The following CAMK1D variants were observed in gnomAD, a reference collection of about 807,000 sequenced individuals.
The protein encoded by CAMK1D is calcium/calmodulin-dependent protein kinase type 1D.
CAMK1D carries 9 observed loss-of-function variants against 47.7 expected under a neutral mutation model. That is an observed-to-expected ratio of 0.19 (90% CI 0.11 to 0.33). The LOEUF (loss-of-function observed/expected upper bound fraction) is 0.33, where lower values mean the gene tolerates loss of function less well. Among genes scored for constraint, CAMK1D ranks in the 10% least tolerant of loss-of-function variants. The pLI, the probability that CAMK1D is intolerant of heterozygous loss-of-function variation, is 1.00. For missense variants in CAMK1D, 291 were observed against 488.7 expected (o/e 0.60, Z 3.81); for synonymous variants, 184 against 184.9 (o/e 0.99, Z 0.04).
At chr10:12,378,670 A>G (rs2131868892) in intron 1 of CAMK1D, among the ~76,000 whole-genome samples, 1 of 151,994 alleles carries the variant, frequency 6.6e-6, no homozygotes, top group East Asian at 1.9e-4. Context: ...CTAATATCAA[A>G]GGCTTTTTAG....
intron 1 of CAMK1D, among the ~76,000 whole-genome samples, chr10:12,543,284 T>G (rs1474374567): frequency 6.6e-6 from 1 of 151,972 alleles, no homozygotes; most frequent in East Asian, 1.9e-4. Context: ...CCTGACCTCA[T>G]GTGATCTAAC....
rs1840177548 is a variant in CAMK1D, at chr10:12,658,344, AC to A, written c.225-8390del. ...GGCTGGGGAGGGCGGGGTGTGCGAG[AC>A]CTGCCGGGGTTCAGTAAAATGTTGG... On this transcript the variant is annotated intron_variant, in intron 2 of 10. Coordinates refer to ENST00000619168, the MANE Select transcript of CAMK1D (RefSeq NM_153498.4). 1.2e-4 allele frequency among the ~76,000 whole-genome samples: 18 copies of A among 151,028 alleles called. No individual in the cohort carries two copies. The South Asian group carries it at 3.8e-3, about 32-fold the overall frequency.
In CAMK1D at chr10:12,834,464, A is replaced by C. The variant is rs1395840982; in HGVS notation, c.*5577A>C. On this transcript the variant is annotated 3_prime_UTR_variant, in exon 11 of 11. Transcript: ENST00000619168. ...TGCATTTGGAAGCCAAACGCTCAGC[A>C]TGCGGCTGCCGAGTCTGGTTTTGTG... The C allele has an allele frequency of 6.6e-6, 1 of 151,792 alleles. No individual in the cohort carries two copies. Among genetic ancestry groups the C allele is most frequent in the Non-Finnish European group, 1.5e-5 (1 of 68,000 alleles). 9.4% of individuals were successfully genotyped at this position (151,792 alleles called of 1,614,324 possible).
intron 1 of CAMK1D, among the ~76,000 whole-genome samples, chr10:12,363,277 C>T (rs978083814): frequency 2.0e-5 from 3 of 151,422 alleles, no homozygotes; most frequent in Non-Finnish European, 4.4e-5. Flanking sequence ...GTTTTTGAGA[C>T]GGATTCTTGC....
Position 12,457,326 on chromosome 10 carries a change from C to T in CAMK1D, c.93-95899C>T, listed in dbSNP as rs950609595. Among the ~76,000 whole-genome samples, 26 of 148,838 alleles carry T rather than the reference C, an allele frequency of 1.7e-4. 1 individual carries two copies. Among genetic ancestry groups the T allele is most frequent in the Non-Finnish European group, 3.1e-4 (21 of 67,064 alleles). On this transcript the variant is annotated intron_variant, in intron 1 of 10. Transcript: ENST00000619168. ...GAATCGCTTGAACCCAGAGGGTGGA[C>T]GTTGCAGTGAGCCGAGATCGAGCCA... is the stretch of plus-strand genomic sequence containing the variant.
intron 1 of CAMK1D, among the ~76,000 whole-genome samples, chr10:12,378,616 C>T (rs945573659): frequency 3.3e-5 from 5 of 151,600 alleles, no homozygotes; most frequent in African/African-American, 1.2e-4. Context: ...TAGCTGATCC[C>T]AATCCCTTTC....
chr10:12,786,475 GTTTA>G (rs1044861311), intron 5 of CAMK1D, among the ~76,000 whole-genome samples: 3 of 152,158 alleles, frequency 2.0e-5, no homozygotes, highest in Non-Finnish European at 4.4e-5. Context: ...ATATTTACTT[GTTTA>G]TAATTTAGAA....
intron 3 of CAMK1D, among the ~76,000 whole-genome samples, chr10:12,756,627 T>G (rs2130891818): frequency 6.6e-6 from 1 of 152,298 alleles, no homozygotes; most frequent in Admixed American, 6.5e-5. Context: ...CAAGGAAGAT[T>G]AGAGACTGAA....
intron 9 of CAMK1D, among the ~76,000 whole-genome samples, chr10:12,825,004 G>A (rs1564591362): frequency 1.3e-5 from 2 of 152,168 alleles, no homozygotes; most frequent in South Asian, 2.1e-4. Flanking sequence ...CCTCCCCTCC[G>A]TGTTCCAATC....
At chr10:12,813,471 C>T (rs1832683381) in intron 6 of CAMK1D, among the ~76,000 whole-genome samples, 2 of 152,290 alleles carry the variant, frequency 1.3e-5, no homozygotes, top group South Asian at 4.1e-4. Flanking sequence ...TCCATCAGCT[C>T]ATCCTCTGTT....
intron 4 of CAMK1D, among the ~76,000 whole-genome samples, chr10:12,761,876 C>G (rs1836524534): frequency 6.6e-6 from 1 of 152,184 alleles, no homozygotes; most frequent in Non-Finnish European, 1.5e-5. Context: ...CAGAGCGAAA[C>G]TCCGTCTCAA....
At chr10:12,796,236 G>T (rs536679610) in intron 6 of CAMK1D, among the ~76,000 whole-genome samples, 1 of 152,154 alleles carries the variant, frequency 6.6e-6, no homozygotes, top group Non-Finnish European at 1.5e-5. Flanking sequence ...GAACAGGCAC[G>T]TCAGAGGCAC....
At chr10:12,360,743 G>A (rs1837634250) in intron 1 of CAMK1D, among the ~76,000 whole-genome samples, 1 of 152,142 alleles carries the variant, frequency 6.6e-6, no homozygotes, top group African/African-American at 2.4e-5. Context: ...TGGTAATGAT[G>A]CATTGAGGCT....
chr10:12,477,830 G>A (rs1468249659), intron 1 of CAMK1D, among the ~76,000 whole-genome samples: 1 of 152,212 alleles, frequency 6.6e-6, no homozygotes, highest in African/African-American at 2.4e-5. Context: ...GGAAGCCTTC[G>A]TGACCTCTGC....
At chr10:12,698,349 T>C (rs1396913172) in intron 3 of CAMK1D, among the ~76,000 whole-genome samples, 2 of 152,222 alleles carry the variant, frequency 1.3e-5, no homozygotes, top group Non-Finnish European at 2.9e-5. Context: ...GTTAGTTCAC[T>C]TCCAGCCTCT....
chr10:12,686,407 C>T (rs113938668), intron 3 of CAMK1D, among the ~76,000 whole-genome samples: 9 of 152,088 alleles, frequency 5.9e-5, no homozygotes, highest in East Asian at 1.9e-4. Flanking sequence ...CTGCAGCCTC[C>T]GCCTCCCAAG....
At chr10:12,641,447 C>T (rs1839662661) in intron 2 of CAMK1D, among the ~76,000 whole-genome samples, 1 of 151,922 alleles carries the variant, frequency 6.6e-6, no homozygotes, top group African/African-American at 2.4e-5. Context: ...CATAATGGGA[C>T]CCCATCTCTA....
At position 12,828,927 on chromosome 10, in the gene CAMK1D, G is replaced by C; in HGVS notation, c.*40G>C. 1 of 1,474,426 alleles carries C rather than the reference G, an allele frequency of 6.8e-7. No homozygotes were observed. The highest frequency in any genetic ancestry group is 2.5e-5 in the East Asian group (1 of 40,692). The allele number at this position is 1,474,426 out of a possible 1,614,324, so 91.3% of individuals were successfully genotyped here. ...GGGGCCCGGGGTCGGGGCTGGGGAA[G>C]GGGAGCCCCAGGGTCGCCAGAGCCG... On this transcript the variant is annotated 3_prime_UTR_variant, in exon 11 of 11. Transcript: ENST00000619168.
At chr10:12,752,625 C>G (rs10906216) in intron 3 of CAMK1D, among the ~76,000 whole-genome samples, 21,733 of 152,148 alleles carry the variant, frequency 0.14, 1,645 homozygotes, top group Admixed American at 0.17. Context: ...TAATAAACTC[C>G]CATTAAAACT....
Sources: gnomAD v4.1 joint callset for allele counts (sites outside exome capture counted in the v4.1 genomes callset) on GRCh38, gnomAD v4.1.1 for gene constraint, MANE v1.5 for transcripts, NCBI Gene and HGNC (gene_info 2026-07-23, HGNC 2026-07-21) for gene names.